Variants in WDR70 observed in about 807,000 individuals in gnomAD.
WDR70 encodes the protein WD repeat-containing protein 70.
Under a neutral mutation model 88.6 loss-of-function variants are expected in WDR70, and 53 were observed. The ratio of observed to expected loss-of-function variants is 0.60; its 90% confidence interval spans 0.48 to 0.75. The LOEUF is 0.75. Among genes scored for constraint, WDR70 ranks in the 30% least tolerant of loss-of-function variants. The pLI is 0.00. For missense variants in WDR70, 610 were observed against 823.2 expected (o/e 0.74, Z 3.17); for synonymous variants, 280 against 270.0 (o/e 1.04, Z -0.36).
At chr5:37,414,352 G>A (rs900676816) in intron 5 of WDR70, among the ~76,000 whole-genome samples, 5 of 151,788 alleles carry the variant, frequency 3.3e-5, no homozygotes, top group Non-Finnish European at 7.4e-5. Context: ...TCTTATTCCC[G>A]CATGGAAACT....
In WDR70 at chr5:37,379,380, G is replaced by A. The variant is rs1251202735; in HGVS notation, c.13G>A (p.Gly5Arg). Residue 5 changes from glycine (G) to arginine (R), a missense_variant, in exon 1 of 18, where the codon GGG becomes AGG. Physicochemically the swap from Gly to Arg is moderately radical, Grantham distance 125. This residue lies in a region of WDR70 where 203 missense variants were observed against 228.1 expected (regional missense o/e 0.89). Transcript: ENST00000265107. Reference protein sequence around the residue: MERSGPSEVTGSDAS... With the variant: MERSRPSEVTGSDAS... ...TGTGCGGCCAGCCATGGAGCGCTCT[G>A]GGCCCAGCGAAGGTGGGTTTCATGA... The A allele has an allele frequency of 1.2e-5, 19 of 1,613,646 alleles. No individual in the cohort carries two copies. Among genetic ancestry groups the A allele is most frequent in the Non-Finnish European group, 1.5e-5 (18 of 1,179,814 alleles).
chr5:37,528,434 A>G (rs536586240), intron 9 of WDR70, among the ~76,000 whole-genome samples: 2 of 152,090 alleles, frequency 1.3e-5, no homozygotes, highest in African/African-American at 4.8e-5. Flanking sequence ...AACAATGAGA[A>G]CCCTTGGACA....
intron 9 of WDR70, among the ~76,000 whole-genome samples, chr5:37,564,397 T>C (rs1405925722): frequency 1.3e-5 from 2 of 152,160 alleles, no homozygotes; most frequent in African/African-American, 4.8e-5. Context: ...TGTGGCGGCT[T>C]GCGCCTGCAA....
chr5:37,581,621 C>T (rs575135284), intron 9 of WDR70, among the ~76,000 whole-genome samples: 9 of 152,250 alleles, frequency 5.9e-5, no homozygotes, highest in African/African-American at 2.2e-4. Context: ...AAAATCAGCT[C>T]TCTGGGTAGG....
intron 10 of WDR70, among the ~76,000 whole-genome samples, chr5:37,679,682 A>G (rs1746360633): frequency 1.3e-5 from 2 of 152,006 alleles, no homozygotes; most frequent in African/African-American, 4.8e-5. Flanking sequence ...GGGGTCAGGG[A>G]TCAGGCACCC....
intron 5 of WDR70, among the ~76,000 whole-genome samples, chr5:37,417,807 A>G (rs954115994): frequency 6.6e-6 from 1 of 152,164 alleles, no homozygotes; most frequent in African/African-American, 2.4e-5. Context: ...TTGGCCTCGC[A>G]AAGTCCTGGG....
At chr5:37,484,142 C>T (rs1437386909) in intron 8 of WDR70, among the ~76,000 whole-genome samples, 1 of 152,138 alleles carries the variant, frequency 6.6e-6, no homozygotes, top group Non-Finnish European at 1.5e-5. Context: ...TCCTTACTTC[C>T]CAGACGGGGT....
At chr5:37,649,413 A>C (rs566545283) in intron 10 of WDR70, among the ~76,000 whole-genome samples, 2 of 150,576 alleles carry the variant, frequency 1.3e-5, no homozygotes, top group South Asian at 4.3e-4. Context: ...TAACATGTTC[A>C]ACAAAAAGTT....
At chr5:37,524,135 C>T (rs908983797) in intron 9 of WDR70, among the ~76,000 whole-genome samples, 4 of 152,116 alleles carry the variant, frequency 2.6e-5, no homozygotes, top group Non-Finnish European at 5.9e-5. Flanking sequence ...GAGAACACCA[C>T]AAAGATACTC....
At chr5:37,600,526 C>CAA (rs552804920) in intron 9 of WDR70, among the ~76,000 whole-genome samples, 3,819 of 101,164 alleles carry the variant, frequency 0.038, 175 homozygotes, top group Middle Eastern at 0.12. Flanking sequence ...GACTCCGTCT[C>CAA]AAAAAAAAAA....
chr5:37,488,054 C>T (rs1262676336), intron 8 of WDR70, among the ~76,000 whole-genome samples: 1 of 147,136 alleles, frequency 6.8e-6, no homozygotes, highest in Non-Finnish European at 1.5e-5. Context: ...ATTATAACTG[C>T]TGAGTGTACT....
At chr5:37,543,140 C>T (rs1018518786) in intron 9 of WDR70, among the ~76,000 whole-genome samples, 31 of 152,116 alleles carry the variant, frequency 2.0e-4, no homozygotes, top group South Asian at 1.0e-3. Context: ...TCTTATATCC[C>T]GCCAACCCCC....
At chr5:37,678,594 G>A (rs1454388459) in intron 10 of WDR70, among the ~76,000 whole-genome samples, 1 of 152,172 alleles carries the variant, frequency 6.6e-6, no homozygotes, top group Non-Finnish European at 1.5e-5. Context: ...TTTCTGCCGA[G>A]AGATCCGCTG....
chr5:37,492,478 C>T (rs1473706882), intron 8 of WDR70, among the ~76,000 whole-genome samples: 1 of 152,120 alleles, frequency 6.6e-6, no homozygotes, highest in African/African-American at 2.4e-5. Context: ...GCTAGTCACT[C>T]CTATGATTAC....
At chr5:37,411,559 C>G (rs1369441728) in intron 5 of WDR70, among the ~76,000 whole-genome samples, 1 of 152,136 alleles carries the variant, frequency 6.6e-6, no homozygotes, top group Non-Finnish European at 1.5e-5. Context: ...AACCCCATCT[C>G]TACTAAAAAT....
chr5:37,564,197 C>A (rs1007175528), intron 9 of WDR70, among the ~76,000 whole-genome samples: 4 of 151,492 alleles, frequency 2.6e-5, no homozygotes, highest in African/African-American at 9.7e-5. Flanking sequence ...GAGGTTGTAG[C>A]GAGCCGAGAT....
At chr5:37,436,842 GA>G (rs70978815) in intron 5 of WDR70, among the ~76,000 whole-genome samples, 36,469 of 151,914 alleles carry the variant, frequency 0.24, 4,795 homozygotes, top group East Asian at 0.46. Context: ...CATAGCAGGG[GA>G]AAGATTGAAG....
At chr5:37,396,833 A>T (rs952620802) in intron 5 of WDR70, among the ~76,000 whole-genome samples, 3 of 152,108 alleles carry the variant, frequency 2.0e-5, no homozygotes, top group African/African-American at 7.2e-5. Context: ...ATCTCCAAAA[A>T]ACAAACAAAA....
intron 10 of WDR70, among the ~76,000 whole-genome samples, chr5:37,692,372 C>G (rs1746824536): frequency 6.6e-6 from 1 of 152,136 alleles, no homozygotes; most frequent in African/African-American, 2.4e-5. Flanking sequence ...TTTTATGAGG[C>G]CAGCATCATC....
Sources: allele counts gnomAD v4.1 joint callset (sites outside exome capture counted in the v4.1 genomes callset), GRCh38; gene constraint gnomAD v4.1.1; regional missense constraint gnomAD v4.1.1; transcripts MANE v1.5; gene names NCBI Gene and HGNC (gene_info 2026-07-23, HGNC 2026-07-21).